The following KIF27 variants were observed in gnomAD, a reference collection of about 807,000 sequenced individuals.
KIF27 encodes kinesin-like protein KIF27.
A neutral mutation model predicts 141.8 loss-of-function variants in KIF27; 84 were observed. The observed-to-expected ratio is 0.59, with a 90% CI of 0.50 to 0.71. The LOEUF is 0.71. Among genes scored for constraint, KIF27 ranks in the 30% least tolerant of loss-of-function variants. The pLI is 0.00. For synonymous variants in KIF27, 471 were observed against 569.5 expected (o/e 0.83, Z 2.46); for missense variants, 1,306 against 1,628.4 (o/e 0.80, Z 3.41).
intron 3 of KIF27, among the ~76,000 whole-genome samples, chr9:83,905,692 G>T (rs548095692): frequency 1.4e-4 from 22 of 152,066 alleles, no homozygotes; most frequent in Non-Finnish European, 8.8e-5. Context: ...TATGGTTCTC[G>T]AATCCAGATG....
At position 83,903,264 on chromosome 9, in the gene KIF27, G is replaced by C. The variant is rs763143880; in HGVS notation, c.1254C>G (p.Ala418=). 2.5e-6 allele frequency: 4 copies of C among 1,614,146 alleles called. No individual in the cohort carries two copies. Among genetic ancestry groups the C allele is most frequent in the Non-Finnish European group, 3.4e-6 (4 of 1,180,032 alleles). ...CLGYQCCVEE[A]FTFLVDLKDT... Reference sequence around the variant, plus strand: ...CTTTTAGGTCAACCAGGAAGGTAAAGGCTTCTTCTACACAACACTGGTAAC... The same window carrying C: ...CTTTTAGGTCAACCAGGAAGGTAAACGCTTCTTCTACACAACACTGGTAAC... Residue 418 remains alanine (A), a synonymous_variant, in exon 4 of 18, where the codon GCC becomes GCG. Coordinates refer to ENST00000297814, the MANE Select transcript of KIF27 (RefSeq NM_017576.4).
intron 4 of KIF27, among the ~76,000 whole-genome samples, chr9:83,900,062 G>T (rs947440834): frequency 6.6e-5 from 10 of 152,230 alleles, no homozygotes; most frequent in African/African-American, 2.4e-4. Context: ...AAAACTAGTT[G>T]TTTTGGTTCT....
chr9:83,918,183 G>C (rs1371170548), intron 1 of KIF27, among the ~76,000 whole-genome samples: 1 of 152,050 alleles, frequency 6.6e-6, no homozygotes, highest in African/African-American at 2.4e-5. Context: ...GCTAAGGCGG[G>C]AGATTGGCTT....
At chr9:83,911,561 T>C (rs978566041) in intron 2 of KIF27, among the ~76,000 whole-genome samples, 4 of 152,098 alleles carry the variant, frequency 2.6e-5, no homozygotes, top group East Asian at 1.9e-4. Context: ...TTTTGTTCTC[T>C]GAGACAGAGT....
chr9:83,912,219 C>A (rs1955241478), intron 2 of KIF27, among the ~76,000 whole-genome samples: 1 of 152,166 alleles, frequency 6.6e-6, no homozygotes, highest in South Asian at 2.1e-4. Flanking sequence ...TTCCAAGCAA[C>A]AAAGAGTTGA....
At chr9:83,849,900 G>A (rs1378815796) in intron 16 of KIF27, among the ~76,000 whole-genome samples, 199 bp downstream of exon 16, 2 of 152,184 alleles carry the variant, frequency 1.3e-5, no homozygotes, top group African/African-American at 4.8e-5. Flanking sequence ...AGAAGGGATG[G>A]CATTCCAAGC....
chr9:83,889,313 A>C (rs988731656), intron 6 of KIF27, 60 bp from the exon 7 acceptor site: 3 of 1,484,048 alleles, frequency 2.0e-6, no homozygotes, highest in Non-Finnish European at 2.7e-6. Flanking sequence ...GTCTAATTTT[A>C]TCCTATTACT....
intron 4 of KIF27, among the ~76,000 whole-genome samples, 185 bp from the exon 5 acceptor site, chr9:83,899,989 A>G (rs555624018): frequency 3.3e-5 from 5 of 152,340 alleles, no homozygotes; most frequent in African/African-American, 7.2e-5. Flanking sequence ...TACCATTGCT[A>G]TAACACAGGA....
intron 2 of KIF27, among the ~76,000 whole-genome samples, chr9:83,910,240 G>T (rs1486894135): frequency 6.6e-6 from 1 of 151,802 alleles, no homozygotes; most frequent in Non-Finnish European, 1.5e-5. Flanking sequence ...CTACTAGTGG[G>T]AGCCACGTTA....
chr9:83,869,492 T>C (rs911839473), intron 12 of KIF27, among the ~76,000 whole-genome samples: 2 of 152,130 alleles, frequency 1.3e-5, no homozygotes, highest in African/African-American at 4.8e-5. Context: ...TCCCAGCACT[T>C]TGGGAGGCCG....
chr9:83,870,101 G>A (rs1349888411), intron 12 of KIF27, among the ~76,000 whole-genome samples: 2 of 152,124 alleles, frequency 1.3e-5, no homozygotes, highest in African/African-American at 4.8e-5. Flanking sequence ...GTGTTTGAAG[G>A]TTTTATTCAG....
Position 83,848,335 on chromosome 9 carries a change from A to ATATC in KIF27, c.3556+1763_3556+1764insGATA, listed in dbSNP as rs1948043219. Among the ~76,000 whole-genome samples, 20 of 127,984 alleles carry ATATC rather than the reference A, an allele frequency of 1.6e-4. 1 individual carries two copies. The highest frequency in any genetic ancestry group is 1.1e-3 in the Admixed American group (14 of 12,230). The allele number at this position is 127,984 out of a possible 152,430, so 84.0% of individuals were successfully genotyped here. ...ATATATCATATATCTATATATCTAT[A>ATATC]TATATCTATGTATCTATATATATCT... On this transcript the variant is annotated intron_variant, in intron 16 of 17. Coordinates refer to ENST00000297814, the MANE Select transcript of KIF27 (RefSeq NM_017576.4).
In KIF27 at chr9:83,888,816, CAA is replaced by C. The variant is rs35585822; in HGVS notation, c.1980-226_1980-225del. ...AACGTGGCAGCAGAATAAGGAAATC[CAA>C]AAAAAAAAAAAAAAAAAAACCTCTG... On this transcript the variant is annotated intron_variant, in intron 7 of 17. Coordinates refer to ENST00000297814, the MANE Select transcript of KIF27 (RefSeq NM_017576.4). Among the ~76,000 whole-genome samples the C allele has an allele frequency of 6.6e-3, 551 of 83,840 alleles. 9 individuals are homozygous for C. The highest frequency in any genetic ancestry group is 0.024 in the South Asian group (57 of 2,398). 55.0% of individuals were successfully genotyped at this position (83,840 alleles called of 152,430 possible).
chr9:83,904,090 G>A, intron 3 of KIF27, 72 bp from the exon 4 acceptor site: 1 of 1,194,164 alleles, frequency 8.4e-7, no homozygotes, highest in Non-Finnish European at 1.2e-6. Flanking sequence ...GTTACCATTT[G>A]CTAAACAGCC....
intron 11 of KIF27, among the ~76,000 whole-genome samples, chr9:83,872,141 T>C (rs1950848587): frequency 1.3e-5 from 2 of 151,640 alleles, no homozygotes; most frequent in Admixed American, 1.3e-4. Context: ...CTGGCCAACA[T>C]GGGGAAACCC....
intron 16 of KIF27, among the ~76,000 whole-genome samples, chr9:83,846,416 G>A (rs1244742282): frequency 6.6e-6 from 1 of 152,220 alleles, no homozygotes; most frequent in Non-Finnish European, 1.5e-5. Flanking sequence ...CTAAAGAAGT[G>A]TGGCAGTGGG....
chr9:83,864,538 A>T (rs1950198815), intron 13 of KIF27, among the ~76,000 whole-genome samples: 1 of 152,140 alleles, frequency 6.6e-6, no homozygotes, highest in African/African-American at 2.4e-5. Flanking sequence ...AGTCTGAGAG[A>T]CAGTTTGTTA....
intron 8 of KIF27, 28 bp from the exon 9 acceptor site, chr9:83,887,224 T>A (rs759885672): frequency 7.2e-7 from 1 of 1,380,890 alleles, no homozygotes; most frequent in East Asian, 2.6e-5. Context: ...GAAATAAAAC[T>A]ATCTGCTGGT....
intron 5 of KIF27, chr9:83,898,989 A>G (rs377405576): frequency 2.6e-5 from 4 of 152,504 alleles, no homozygotes; most frequent in African/African-American, 9.7e-5. Context: ...AAACAACAAC[A>G]AAATACAATT....
Sources: gnomAD v4.1 joint callset for allele counts (sites outside exome capture counted in the v4.1 genomes callset) on GRCh38, gnomAD v4.1.1 for gene constraint, MANE v1.5 for transcripts, NCBI Gene and HGNC (gene_info 2026-07-23, HGNC 2026-07-21) for gene names.